The following PPP4R4 variants were observed in gnomAD, a reference collection of about 807,000 sequenced individuals.
PPP4R4 encodes protein phosphatase 4 regulatory subunit 4, also known as serine/threonine-protein phosphatase 4 regulatory subunit 4.
PPP4R4 carries 70 observed loss-of-function variants against 121.8 expected under a neutral mutation model. That is an observed-to-expected ratio of 0.57 (90% CI 0.47 to 0.70). The LOEUF (loss-of-function observed/expected upper bound fraction) is 0.70, where lower values mean the gene tolerates loss of function less well. PPP4R4 is among the 30% of genes least tolerant of loss of function. The probability of loss-of-function intolerance (pLI) is 0.00; values close to 1 mark genes in which losing one functional copy is unlikely to be tolerated. For missense variants in PPP4R4, 875 were observed against 1,033.6 expected (o/e 0.85, Z 2.10); for synonymous variants, 348 against 355.7 (o/e 0.98, Z 0.24).
chr14:94,226,950 A>C (rs116753247), intron 3 of PPP4R4, among the ~76,000 whole-genome samples: 3,357 of 152,272 alleles, frequency 0.022, 113 homozygotes, highest in African/African-American at 0.076. Context: ...TTTAAGGAGA[A>C]ATATCTTCCT....
chr14:94,220,076 G>A (rs1891302610), intron 3 of PPP4R4, among the ~76,000 whole-genome samples: 1 of 152,114 alleles, frequency 6.6e-6, no homozygotes, highest in African/African-American at 2.4e-5. Flanking sequence ...ACAAAAATTA[G>A]CCAGGTGTGG....
chr14:94,262,419 C>T (rs560450312), intron 19 of PPP4R4, among the ~76,000 whole-genome samples: 2 of 151,980 alleles, frequency 1.3e-5, no homozygotes, highest in African/African-American at 2.4e-5. Context: ...GGGATTTCCT[C>T]TCTCCTTTTT....
In PPP4R4 at chr14:94,266,826, GAAAT is replaced by G. The variant is rs1272091870; in HGVS notation, c.2379-129_2379-126del. On this transcript the variant is annotated intron_variant, in intron 22 of 24. Coordinates refer to ENST00000304338, the MANE Select transcript of PPP4R4 (RefSeq NM_058237.2). ...TGAGGCATGAATATAAAAAAAATGA[GAAAT>G]AAAAGCAACAAACGTTTCATAAGTA... is the stretch of plus-strand genomic sequence containing the variant. 6 of 620,914 alleles carry G rather than the reference GAAAT, an allele frequency of 9.7e-6. No individual in the cohort carries two copies. In the Admixed American group the frequency reaches 1.1e-4, roughly 11 times the overall value. 38.5% of individuals were successfully genotyped at this position (620,914 alleles called of 1,614,324 possible).
rs5810663 is a variant in PPP4R4 at position 94,196,309 on chromosome 14, G to GTTTT, written c.192-12138_192-12135dup. On this transcript the variant is annotated intron_variant, in intron 2 of 24. Coordinates refer to ENST00000304338, the MANE Select transcript of PPP4R4 (RefSeq NM_058237.2). Reference sequence around the variant, plus strand: ...AAGCCTGTATTACTTTCTTTCAAAGGTTTTTTTTTTTTTTTTTTTTGGAGA... The same window carrying GTTTT: ...AAGCCTGTATTACTTTCTTTCAAAGGTTTTTTTTTTTTTTTTTTTTTTTTGGAGA... Among the ~76,000 whole-genome samples the GTTTT allele has an allele frequency of 4.9e-4, 43 of 88,362 alleles. 1 individual carries two copies. The highest frequency in any genetic ancestry group is 8.1e-4 in the South Asian group (2 of 2,464). 58.0% of individuals were successfully genotyped at this position (88,362 alleles called of 152,430 possible). A position where few individuals can be genotyped will look rare whatever the true frequency, so the allele number is the denominator to read the frequency against.
intron 2 of PPP4R4, among the ~76,000 whole-genome samples, chr14:94,194,612 T>C (rs901824497): frequency 6.6e-6 from 1 of 151,902 alleles, no homozygotes; most frequent in East Asian, 1.9e-4. Flanking sequence ...CACATACTTG[T>C]TTTTTTTGTT....
rs576735125 is a variant in PPP4R4 at position 94,220,771 on chromosome 14, C to T, written c.295-9816C>T. 2.6e-5 allele frequency among the ~76,000 whole-genome samples: 4 copies of T among 152,194 alleles called. 1 individual carries two copies. The highest frequency in any genetic ancestry group is 7.2e-5 in the African/African-American group (3 of 41,534). On this transcript the variant is annotated intron_variant, in intron 3 of 24. Transcript: ENST00000304338. The stretch of plus-strand genomic sequence containing the variant: ...AGTGAACTGAAATATAGATCATATT[C>T]GTGGATCAGAAGACTCAATATTGTG...
intron 9 of PPP4R4, 62 bp downstream of exon 9, chr14:94,240,857 G>C: frequency 7.1e-7 from 1 of 1,414,084 alleles, no homozygotes; most frequent in Non-Finnish European, 9.2e-7. Flanking sequence ...TTCTACCTCA[G>C]TCATTAAACT....
At chr14:94,193,538 T>A (rs1595458486) in intron 2 of PPP4R4, among the ~76,000 whole-genome samples, 1 of 152,196 alleles carries the variant, frequency 6.6e-6, no homozygotes, top group East Asian at 1.9e-4. Flanking sequence ...GCTATTTTTA[T>A]TTTGTTGTGA....
intron 3 of PPP4R4, among the ~76,000 whole-genome samples, chr14:94,229,604 A>G (rs1891901557): frequency 6.6e-6 from 1 of 152,196 alleles, no homozygotes; most frequent in Non-Finnish European, 1.5e-5. Context: ...TTCTGTTTAA[A>G]TGATTTAAAT....
At chr14:94,203,813 G>C (rs1890317561) in intron 2 of PPP4R4, among the ~76,000 whole-genome samples, 1 of 152,040 alleles carries the variant, frequency 6.6e-6, no homozygotes, top group Non-Finnish European at 1.5e-5. Flanking sequence ...CTTTTAGTGG[G>C]CTTATTTGCA....
chr14:94,237,791 C>T (rs1402293417), intron 8 of PPP4R4, 105 bp downstream of exon 8: 2 of 1,297,006 alleles, frequency 1.5e-6, no homozygotes, highest in East Asian at 2.4e-5. Context: ...TATGTTAAGC[C>T]TCCCTTCCTC....
rs1183843492 is a variant in PPP4R4, at chr14:94,174,335, C to T, written c.-131C>T. 4.4e-5 allele frequency: 35 copies of T among 795,574 alleles called. No individual in the cohort carries two copies. The African/African-American group carries it at 6.9e-4, about 16-fold the overall frequency. The allele number at this position is 795,574 out of a possible 1,614,324, so 49.3% of individuals were successfully genotyped here. On this transcript the variant is annotated 5_prime_UTR_variant, in exon 1 of 25. Coordinates refer to ENST00000304338, the MANE Select transcript of PPP4R4 (RefSeq NM_058237.2). ...CCGGGCCGTGCTCTTGCTCCCGCCG[C>T]CTGGCAGCCTCACGCTCGGCTCCAG...
At chr14:94,238,901 T>C (rs1415900855) in intron 8 of PPP4R4, among the ~76,000 whole-genome samples, 1 of 152,230 alleles carries the variant, frequency 6.6e-6, no homozygotes, top group African/African-American at 2.4e-5. Context: ...GATAAGTGAA[T>C]GAATAAATCT....
At chr14:94,195,400 G>C (rs1476890273) in intron 2 of PPP4R4, among the ~76,000 whole-genome samples, 1 of 152,172 alleles carries the variant, frequency 6.6e-6, no homozygotes, top group African/African-American at 2.4e-5. Flanking sequence ...CTAGCATGTT[G>C]TAGTTACCAA....
chr14:94,205,754 A>G (rs577253976), intron 2 of PPP4R4, among the ~76,000 whole-genome samples: 2 of 152,002 alleles, frequency 1.3e-5, no homozygotes, highest in African/African-American at 4.8e-5. Flanking sequence ...ATGGGAAAAT[A>G]CAGAAGTTTG....
At position 94,176,044 on chromosome 14, in the gene PPP4R4, C is replaced by T. The variant is rs1286040696; in HGVS notation, c.118-10C>T. On this transcript the variant is annotated splice_polypyrimidine_tract_variant and intron_variant, in intron 1 of 24. Transcript: ENST00000304338. ...TTGTGGTGCATAAATGTGTATTTTA[C>T]CCTTGACAGACACCGGAAGAAATAG... 3 of 1,606,928 alleles carry T rather than the reference C, an allele frequency of 1.9e-6. No homozygotes were observed. Among genetic ancestry groups the T allele is most frequent in the South Asian group, 2.2e-5 (2 of 90,976 alleles).
rs1416900199 is a variant in PPP4R4 at position 94,227,332 on chromosome 14, A to T, written c.295-3255A>T. The T allele has an allele frequency of 3.7e-6, 6 of 1,612,580 alleles. No individual in the cohort carries two copies. The African/African-American group carries it at 5.3e-5, about 14-fold the overall frequency. On this transcript the variant is annotated intron_variant, in intron 3 of 24. Coordinates refer to ENST00000304338, the MANE Select transcript of PPP4R4 (RefSeq NM_058237.2). ...TTTATCCAGAGAGTATGGATCTCAC[A>T]TATGTTTGTCCAGAGGGTGTGACTC...
chr14:94,266,911 G>A (rs1203504572), intron 22 of PPP4R4, 48 bp from the exon 23 acceptor site: 4 of 1,233,388 alleles, frequency 3.2e-6, no homozygotes, highest in Admixed American at 1.8e-5. Context: ...GACTGAGATT[G>A]TAAGAAGTGT....
intron 2 of PPP4R4, among the ~76,000 whole-genome samples, chr14:94,208,009 A>G (rs1890553843): frequency 6.6e-6 from 1 of 151,962 alleles, no homozygotes; most frequent in Admixed American, 6.6e-5. Flanking sequence ...CACTGTACCA[A>G]GAGAAAGTTG....
Sources: gnomAD v4.1 joint callset for allele counts (sites outside exome capture counted in the v4.1 genomes callset) on GRCh38, gnomAD v4.1.1 for gene constraint, MANE v1.5 for transcripts, NCBI Gene and HGNC (gene_info 2026-07-23, HGNC 2026-07-21) for gene names.